The following PAIP2 variants were observed in gnomAD, a reference collection of about 807,000 sequenced individuals.
PAIP2 encodes polyadenylate-binding protein-interacting protein 2.
A neutral mutation model predicts 14.8 loss-of-function variants in PAIP2; 7 were observed. The ratio of observed to expected loss-of-function variants is 0.47; its 90% CI spans 0.27 to 0.89. The LOEUF (loss-of-function observed/expected upper bound fraction) is 0.89. Ranked by LOEUF, PAIP2 falls within the 40% of genes least tolerant of loss-of-function variation. PAIP2 has a pLI of 0.13. For missense variants in PAIP2, 122 were observed against 154.7 expected, an observed-to-expected ratio of 0.79 and a Z score of 1.12; for synonymous variants, 47 against 45.3, an observed-to-expected ratio of 1.04 and a Z score of -0.15.
At chr5:139,361,634 A>G (rs1257931909) in intron 1 of PAIP2, among the ~76,000 whole-genome samples, 2 of 152,104 alleles carry the variant, frequency 1.3e-5, no homozygotes, top group Non-Finnish European at 1.5e-5. Flanking sequence ...TGTATTTGAT[A>G]CTACTTTTAC....
chr5:139,345,879 G>A (rs1441987530), intron 1 of PAIP2, among the ~76,000 whole-genome samples: 4 of 151,934 alleles, frequency 2.6e-5, no homozygotes, highest in Admixed American at 2.0e-4. Context: ...CGCCCACCTC[G>A]GCCTCCCAAA....
chr5:139,350,704 A>T (rs1756702321), intron 1 of PAIP2, among the ~76,000 whole-genome samples: 1 of 152,036 alleles, frequency 6.6e-6, no homozygotes, highest in Non-Finnish European at 1.5e-5. Flanking sequence ...AACTTATCAA[A>T]TGGTTAAGCA....
intron 3 of PAIP2, among the ~76,000 whole-genome samples, chr5:139,366,783 G>A (rs1757273212): frequency 6.6e-6 from 1 of 152,166 alleles, no homozygotes; most frequent in South Asian, 2.1e-4. Context: ...CACTGTGCCT[G>A]GATGTGGTGG....
Position 139,363,745 on chromosome 5 carries a change from G to T in PAIP2, c.-26-14G>T. 1 of 1,607,962 alleles carries T rather than the reference G, an allele frequency of 6.2e-7. No individual in the cohort carries two copies. The highest frequency in any genetic ancestry group is 8.5e-7 in the Non-Finnish European group (1 of 1,176,906). ...AATGAGTAAGTAAATTAACTGTGCT[G>T]TTGTTCTTTTAAGGTTAAAAACGAC... On this transcript the variant is annotated splice_polypyrimidine_tract_variant and intron_variant, in intron 1 of 3. Transcript: ENST00000265192.
At chr5:139,366,120 A>C (rs1466010986) in intron 3 of PAIP2, among the ~76,000 whole-genome samples, 3 of 147,826 alleles carry the variant, frequency 2.0e-5, no homozygotes, top group Admixed American at 1.4e-4. Flanking sequence ...GGAGAATCGC[A>C]TGAATCTGGG....
At chr5:139,351,731 T>G (rs1756740922) in intron 1 of PAIP2, among the ~76,000 whole-genome samples, 1 of 152,108 alleles carries the variant, frequency 6.6e-6, no homozygotes, top group Non-Finnish European at 1.5e-5. Flanking sequence ...TCACCCAGGC[T>G]GGAGTGCAGT....
chr5:139,350,524 G>A (rs896544255), intron 1 of PAIP2, among the ~76,000 whole-genome samples: 3 of 151,570 alleles, frequency 2.0e-5, no homozygotes, highest in Non-Finnish European at 4.4e-5. Context: ...CCAGCTACTC[G>A]GGAGGCTGAG....
At chr5:139,352,503 T>TTTTTTTTTTTTTTTTTG (rs1422182919) in intron 1 of PAIP2, among the ~76,000 whole-genome samples, 1 of 124,460 alleles carries the variant, frequency 8.0e-6, no homozygotes, top group Non-Finnish European at 1.7e-5. Flanking sequence ...TTTTTTGTTG[T>TTTTTTTTTTTTTTTTTG]TTTTTTTTTT....
intron 1 of PAIP2, among the ~76,000 whole-genome samples, chr5:139,359,777 C>T (rs566269905): frequency 6.6e-5 from 10 of 151,394 alleles, no homozygotes; most frequent in Admixed American, 1.3e-4. Context: ...TGAGGCCAGC[C>T]GGGCCAACGT....
chr5:139,355,933 T>A (rs1756896415), intron 1 of PAIP2, among the ~76,000 whole-genome samples: 1 of 148,374 alleles, frequency 6.7e-6, no homozygotes, highest in South Asian at 2.1e-4. Flanking sequence ...GTCAGGAGTT[T>A]GAGACCAGGC....
intron 1 of PAIP2, among the ~76,000 whole-genome samples, chr5:139,349,396 A>G (rs1161529262): frequency 1.3e-5 from 2 of 151,960 alleles, no homozygotes; most frequent in Non-Finnish European, 1.5e-5. Flanking sequence ...CTACAAGCTC[A>G]CACCACCATG....
rs1047273995 is a variant in PAIP2 at position 139,348,215 on chromosome 5, G to T, written c.-27+6235G>T. Among the ~76,000 whole-genome samples the T allele has an allele frequency of 4.6e-5, 7 of 151,890 alleles. No individual in the cohort carries two copies. In the Middle Eastern group the frequency reaches 0.014, roughly 295 times the overall value. ...ATTTATTTATATTTTTTGAGACAGG[G>T]TCTTGCTGTGTCACCCAGGCTGGGG... On this transcript the variant is annotated intron_variant, in intron 1 of 3. Transcript: ENST00000265192.
chr5:139,358,191 A>C (rs1213308301), intron 1 of PAIP2, among the ~76,000 whole-genome samples: 2 of 152,168 alleles, frequency 1.3e-5, no homozygotes, highest in Non-Finnish European at 2.9e-5. Flanking sequence ...TCCACTGTTC[A>C]CTAGTTGTGT....
At chr5:139,357,297 C>CT (rs2152051062) in intron 1 of PAIP2, among the ~76,000 whole-genome samples, 1 of 152,274 alleles carries the variant, frequency 6.6e-6, no homozygotes, top group South Asian at 2.1e-4. Flanking sequence ...CTATGGCTTT[C>CT]TAGGACTACC....
intron 1 of PAIP2, among the ~76,000 whole-genome samples, chr5:139,357,392 T>TTGTTTGCCC (rs1756946723): frequency 6.6e-6 from 1 of 152,238 alleles, no homozygotes; most frequent in South Asian, 2.1e-4. Context: ...ACTGTGTTGA[T>TTGTTTGCCC]TGTTTGCCCC....
chr5:139,367,886 A>G (rs947077363), intron 3 of PAIP2, among the ~76,000 whole-genome samples: 3 of 152,234 alleles, frequency 2.0e-5, no homozygotes, highest in African/African-American at 7.2e-5. Context: ...CTGAATTTCA[A>G]TTCCTATTTT....
At chr5:139,367,283 T>C (rs532952723) in intron 3 of PAIP2, 1 of 152,308 alleles carries the variant, frequency 6.6e-6, no homozygotes, top group Non-Finnish European at 1.5e-5. Context: ...GCAGCATACC[T>C]ACATTTCAGG....
At chr5:139,353,206 C>G (rs573964617) in intron 1 of PAIP2, among the ~76,000 whole-genome samples, 11 of 151,344 alleles carry the variant, frequency 7.3e-5, no homozygotes, top group Non-Finnish European at 1.6e-4. Flanking sequence ...TGTTTTTTTA[C>G]TGTATTGTTA....
chr5:139,346,408 A>T (rs373461900), intron 1 of PAIP2, among the ~76,000 whole-genome samples: 1 of 151,370 alleles, frequency 6.6e-6, no homozygotes, highest in East Asian at 1.9e-4. Flanking sequence ...CGCCCAGCTA[A>T]TGTTTGTATT....
Sources: gnomAD v4.1 joint callset for allele counts (sites outside exome capture counted in the v4.1 genomes callset) on GRCh38, gnomAD v4.1.1 for gene constraint, MANE v1.5 for transcripts, NCBI Gene and HGNC (gene_info 2026-07-23, HGNC 2026-07-21) for gene names.